The following FGA variants were observed in gnomAD, a reference collection of about 807,000 sequenced individuals.
The protein encoded by FGA is fibrinogen, A alpha polypeptide.
Under a neutral mutation model 20.3 loss-of-function variants are expected in FGA, and 20 were observed. The observed-to-expected ratio is 0.99, with a 90% confidence interval of 0.69 to 1.43. FGA has a LOEUF of 1.43. Among genes scored for constraint, FGA ranks in the 40% most tolerant of loss-of-function variants. FGA has a pLI of 0.00. For synonymous variants in FGA, 306 were observed against 281.6 expected (o/e 1.09, Z -0.87); for missense variants, 777 against 784.7 (o/e 0.99, Z 0.12).
rs368845778 is a variant in FGA, at chr4:154,587,665, C to T, written c.365-8G>A. 1.1e-5 allele frequency: 18 copies of T among 1,610,324 alleles called. No homozygotes were observed. In the African/African-American group the frequency reaches 1.3e-4, roughly 12 times the overall value. ...TGTAGGTATTATCACGGTCTGAAAT[C>T]GAAAATATGGTTATTGAAGTAGCTG... On this transcript the variant is annotated splice_region_variant and splice_polypyrimidine_tract_variant and intron_variant, in intron 3 of 4. Transcript: ENST00000403106.
rs778756908 is a variant in FGA at position 154,586,212 on chromosome 4, T to C, written c.1217A>G (p.Asn406Ser). 1.2e-6 allele frequency: 2 copies of C among 1,614,134 alleles called. No homozygotes were observed. Among genetic ancestry groups the C allele is most frequent in the South Asian group, 1.1e-5 (1 of 91,072 alleles). Reference protein sequence around the residue: ...DSPGSGNARPNNPDWGTFEEV... With the variant: ...DSPGSGNARPSNPDWGTFEEV... ...TTCAAATGTGCCCCAGTCTGGGTTG[T>C]TAGGCCTCGCGTTCCCAGAGCCTGG... The change falls in exon 5 of 5, where the codon AAC (asparagine) becomes AGC (serine). Residue 406 changes from asparagine to serine, a missense_variant. Physicochemically the swap from Asn to Ser is conservative, Grantham distance 46 (BLOSUM62 1). Transcript: ENST00000403106.
downstream of FGA, chr4:154,584,662 G>T (rs763664594): frequency 7.4e-6 from 12 of 1,613,896 alleles, no homozygotes; most frequent in Middle Eastern, 1.6e-4. Flanking sequence ...GTCTTGCCAG[G>T]TCCGGTTAAA....
chr4:154,590,460 C>CAT (rs1237798404), intron 1 of FGA, among the ~76,000 whole-genome samples, 174 bp downstream of exon 1: 1 of 152,172 alleles, frequency 6.6e-6, no homozygotes, highest in Non-Finnish European at 1.5e-5. Context: ...CTCTTGGTGT[C>CAT]ATATTACCCT....
rs1560827273 is a variant in FGA, at chr4:154,588,785, A to T, written c.364+8T>A. 3 of 1,589,576 alleles carry T rather than the reference A, an allele frequency of 1.9e-6. No homozygotes were observed. Among genetic ancestry groups the T allele is most frequent in the Non-Finnish European group, 2.6e-6 (3 of 1,159,416 alleles). On this transcript the variant is annotated splice_region_variant and intron_variant, in intron 3 of 4. Coordinates refer to ENST00000403106, the MANE Select transcript of FGA (RefSeq NM_021871.4). ...ATAAAGTCAAAGCAGTAAATATGTA[A>T]TACTTACTATTGGCTGAGGAAAAAT... is the stretch of plus-strand genomic sequence containing the variant.
At chr4:154,584,420 C>G, downstream of FGA, 1 of 1,614,154 alleles carries the variant, frequency 6.2e-7, no homozygotes, top group Non-Finnish European at 8.5e-7. Flanking sequence ...TCTACGGAAC[C>G]CTCAATCAGA....
chr4:154,584,439 C>G, downstream of FGA: 1 of 1,614,124 alleles, frequency 6.2e-7, no homozygotes, highest in Non-Finnish European at 8.5e-7. Context: ...GAGCATCACC[C>G]GCAGTGCCTT....
chr4:154,587,578 T>A lies in FGA; in HGVS notation c.444A>T (p.Lys148Asn). Residue 148 changes from lysine to asparagine, a missense_variant, in exon 4 of 5, where the codon AAA becomes AAT. Physicochemically the swap from Lys to Asn is moderately conservative, Grantham distance 94. Coordinates refer to ENST00000403106, the MANE Select transcript of FGA (RefSeq NM_021871.4). ...TCTGCAGAAGCTGGATATGCTGTAC[T>A]TTTTCTATGACTTTGCGCTTCAGGA... ...IEVLKRKVIE[K>N]VQHIQLLQKN... 2 of 1,613,984 alleles carry A rather than the reference T, an allele frequency of 1.2e-6. No homozygotes were observed. The highest frequency in any genetic ancestry group is 1.7e-6 in the Non-Finnish European group (2 of 1,179,914).
At chr4:154,585,133 A>C, downstream of FGA, 13 of 820,634 alleles carry the variant, frequency 1.6e-5, no homozygotes, top group Non-Finnish European at 2.3e-5. Flanking sequence ...ATACTAACAC[A>C]ACTTGTATTT....
In FGA at chr4:154,585,874, A is replaced by C. The variant is rs779958792; in HGVS notation, c.1555T>G (p.Phe519Val). Residue 519 changes from phenylalanine (F) to valine (V), a missense_variant, in exon 5 of 5, where the codon TTC becomes GTC. Phe to Val is a conservative substitution (Grantham distance 50). Coordinates refer to ENST00000403106, the MANE Select transcript of FGA (RefSeq NM_021871.4). ...TTTCCAGTTGAGGCAGTGTCGAAGA[A>C]GGCAGCTTCATCAGGGTGCCTATGG... ...FRHRHPDEAA[F>V]FDTASTGKTF... is the part of the protein sequence containing the mutation. The C allele has an allele frequency of 6.2e-7, 1 of 1,614,132 alleles. No individual in the cohort carries two copies. The highest frequency in any genetic ancestry group is 8.5e-7 in the Non-Finnish European group (1 of 1,179,986).
At chr4:154,589,595 G>T (rs775597857) in intron 1 of FGA, 33 bp from the exon 2 acceptor site, 2 of 1,608,792 alleles carry the variant, frequency 1.2e-6, no homozygotes, top group Admixed American at 1.7e-5. Context: ...ACAAAAGAGA[G>T]CAACAGCAAT....
chr4:154,587,302 T>C (rs1465601028), intron 4 of FGA, among the ~76,000 whole-genome samples: 2 of 152,176 alleles, frequency 1.3e-5, no homozygotes, highest in African/African-American at 4.8e-5. Context: ...GCTTTTGAAA[T>C]TTACTATCTA....
rs1172057679 is a variant in FGA, at chr4:154,585,571, T to C, written c.1858A>G (p.Lys620Glu). 11 of 1,614,064 alleles carry C rather than the reference T, an allele frequency of 6.8e-6. No individual in the cohort carries two copies. Among genetic ancestry groups the C allele is most frequent in the African/African-American group, 1.3e-5 (1 of 74,930 alleles). The change falls in exon 5 of 5, where the codon AAG becomes GAG. Residue 620 changes from lysine (K) to glutamate (E), a missense_variant. Transcript: ENST00000403106. ...EADHEGTHSTKRGHAKSRPVR... is the reference protein window; with the variant it reads ...EADHEGTHSTERGHAKSRPVR... ...GGGCGAGATTTAGCATGGCCTCTCT[T>C]GGTGCTATGTGTTCCTTCATGATCG...
rs779935778 is a variant in FGA, at chr4:154,588,810, T to G, written c.347A>C (p.Asp116Ala). The G allele has an allele frequency of 1.2e-6, 2 of 1,610,632 alleles. No homozygotes were observed. The highest frequency in any genetic ancestry group is 1.3e-5 in the African/African-American group (1 of 74,800). Residue 116 changes from aspartate to alanine, a missense_variant, in exon 3 of 5, where the codon GAT becomes GCT. Asp to Ala is a moderately radical substitution (Grantham distance 126). Transcript: ENST00000403106. ...TTNIMEILRG[D>A]FSSANNRDNT... Reference sequence around the variant, plus strand: ...ATACTTACTATTGGCTGAGGAAAAATCGCCTCTCAAAATTTCCATTATATT... The same window carrying G: ...ATACTTACTATTGGCTGAGGAAAAAGCGCCTCTCAAAATTTCCATTATATT...
chr4:154,587,836 T>C (rs967629767), intron 3 of FGA, among the ~76,000 whole-genome samples, 179 bp from the exon 4 acceptor site: 1 of 150,896 alleles, frequency 6.6e-6, no homozygotes, highest in East Asian at 1.9e-4. Context: ...AGCTTGTAAA[T>C]ATGCCTAATT....
chr4:154,584,035 G>A (rs781050692), downstream of FGA: 98 of 1,047,798 alleles, frequency 9.4e-5, no homozygotes, highest in Middle Eastern at 1.2e-3. Flanking sequence ...TTTTTAGGTT[G>A]TAGAGAATCT....
chr4:154,589,839 TTTTA>T (rs1730827983), intron 1 of FGA, among the ~76,000 whole-genome samples: 1 of 152,150 alleles, frequency 6.6e-6, no homozygotes, highest in South Asian at 2.1e-4. Context: ...ATATTAGGAG[TTTTA>T]AAGAATCCAT....
Position 154,587,547 on chromosome 4 carries a change from C to T in FGA, c.475G>A (p.Val159Ile), listed in dbSNP as rs199828049. ...VQHIQLLQKN[V>I]RAQLVDMKRL... is the part of the protein sequence containing the mutation. Reference sequence around the variant, plus strand: ...TTCATATCAACCAACTGAGCTCTAACATTTTTCTGCAGAAGCTGGATATGC... The same window carrying T: ...TTCATATCAACCAACTGAGCTCTAATATTTTTCTGCAGAAGCTGGATATGC... The change falls in exon 4 of 5, where the codon GTT (valine) becomes ATT (isoleucine). Residue 159 changes from valine (V) to isoleucine (I), a missense_variant. By Grantham distance (29) the Val-to-Ile change is conservative. Coordinates refer to ENST00000403106, the MANE Select transcript of FGA (RefSeq NM_021871.4). 2.2e-5 allele frequency: 35 copies of T among 1,613,800 alleles called. No homozygotes were observed. Among genetic ancestry groups the T allele is most frequent in the Non-Finnish European group, 2.9e-5 (34 of 1,179,938 alleles).
In FGA at chr4:154,585,890, GT is replaced by G; in HGVS notation, c.1538del (p.His513ProfsTer25). The G allele has an allele frequency of 6.2e-7, 1 of 1,614,028 alleles. No individual in the cohort carries two copies. Among genetic ancestry groups the G allele is most frequent in the Non-Finnish European group, 8.5e-7 (1 of 1,179,916 alleles). ...TGTCGAAGAAGGCAGCTTCATCAGG[GT>G]GCCTATGGCGGAACCCATCCAGAGT... is the stretch of plus-strand genomic sequence containing the variant. ...IGTLDGFRHR[H>X]PDEAAFFDTA... is the part of the protein sequence containing the mutation. On this transcript the variant is annotated frameshift_variant, in exon 5 of 5. Transcript: ENST00000403106. LOFTEE classifies it low-confidence loss of function (END_TRUNC).
intron 2 of FGA, 108 bp downstream of exon 2, chr4:154,589,329 T>G (rs1397507164): frequency 7.6e-7 from 1 of 1,316,882 alleles, no homozygotes; most frequent in Non-Finnish European, 1.1e-6. Flanking sequence ...TAGGTAACTA[T>G]TCAATTATTT....
Sources: gnomAD v4.1 joint callset for allele counts (sites outside exome capture counted in the v4.1 genomes callset) on GRCh38, gnomAD v4.1.1 for gene constraint, MANE v1.5 for transcripts, NCBI Gene and HGNC (gene_info 2026-07-23, HGNC 2026-07-21) for gene names.